USP6NL: variants seen among roughly 807,000 people sequenced by gnomAD.
USP6NL encodes USP6 N-terminal-like protein.
In USP6NL, 26 loss-of-function variants were observed where a neutral mutation model predicts 61.9. That is an observed-to-expected ratio of 0.42 (90% CI 0.31 to 0.58). The LOEUF (loss-of-function observed/expected upper bound fraction) is 0.58, where lower values mean the gene tolerates loss of function less well. Ranked by LOEUF, USP6NL falls within the 20% of genes least tolerant of loss-of-function variation. USP6NL has a pLI of 0.16. For synonymous variants in USP6NL, 432 were observed against 390.1 expected, an observed-to-expected ratio of 1.11 and a Z score of -1.27; for missense variants, 1,114 against 1,034.3, an observed-to-expected ratio of 1.08 and a Z score of -1.06.
chr10:11,579,746 C>A (rs1314293375), intron 2 of USP6NL, among the ~76,000 whole-genome samples: 1 of 152,176 alleles, frequency 6.6e-6, no homozygotes, highest in East Asian at 1.9e-4. Context: ...CTGCCCCAGA[C>A]CATGTCCCTC....
At chr10:11,469,454 A>G (rs1433690372) in intron 14 of USP6NL, among the ~76,000 whole-genome samples, 1 of 152,248 alleles carries the variant, frequency 6.6e-6, no homozygotes, top group Admixed American at 6.5e-5. Flanking sequence ...TCGGGGGGGA[A>G]GAAATCCAGT....
chr10:11,588,301 T>C (rs751594952), intron 2 of USP6NL, among the ~76,000 whole-genome samples: 8 of 152,206 alleles, frequency 5.3e-5, no homozygotes, highest in Non-Finnish European at 1.0e-4. Flanking sequence ...TTGGGGAAAC[T>C]ATCAACACTG....
chr10:11,554,966 A>ATTTTTTTTT (rs764342021), intron 2 of USP6NL, among the ~76,000 whole-genome samples: 7 of 111,850 alleles, frequency 6.3e-5, no homozygotes, highest in Non-Finnish European at 1.1e-4. Flanking sequence ...TGCCCGGCTA[A>ATTTTTTTTT]TTTTTTTTTT....
At chr10:11,576,043 A>C (rs1475472596) in intron 2 of USP6NL, among the ~76,000 whole-genome samples, 1 of 152,160 alleles carries the variant, frequency 6.6e-6, no homozygotes, top group Non-Finnish European at 1.5e-5. Flanking sequence ...TATATACTTC[A>C]AAATAGTTAC....
rs1022171500 is a variant in USP6NL at position 11,496,159 on chromosome 10, G to A, written c.385-2931C>T. Among the ~76,000 whole-genome samples the A allele has an allele frequency of 2.0e-5, 3 of 152,176 alleles. No homozygotes were observed. The highest frequency in any genetic ancestry group is 1.3e-4 in the Admixed American group (2 of 15,286). ...CTCAGCAAGGTCTGCGTTTTCCCTA[G>A]TCCAGAGGCCCTCTGTTTCATCCTC... On this transcript the variant is annotated intron_variant, in intron 7 of 14. Transcript: ENST00000609104. This position sits in a 1 kb window ranked among gnomAD's most constrained non-coding sequence, Gnocchi z 5.4.
chr10:11,574,342 GA>G lies in USP6NL; in HGVS notation c.4+23288del, dbSNP rs1837467480. Among the ~76,000 whole-genome samples the G allele has an allele frequency of 6.6e-6, 1 of 152,020 alleles. No homozygotes were observed. Among genetic ancestry groups the G allele is most frequent in the Non-Finnish European group, 1.5e-5 (1 of 68,014 alleles). ...CCTCTGACATCCCAGTCCATGAATA[GA>G]AGTCTAAATTCACATGCACACTAGA... On this transcript the variant is annotated intron_variant, in intron 2 of 14. Transcript: ENST00000609104. The surrounding 1 kb of genome is among the most constrained non-coding windows in gnomAD (Gnocchi z 4.3).
intron 2 of USP6NL, among the ~76,000 whole-genome samples, chr10:11,547,983 C>G (rs530794595): frequency 2.0e-5 from 3 of 152,216 alleles, no homozygotes; most frequent in African/African-American, 7.2e-5. Context: ...TGGAAGGAAA[C>G]TTAAAGCTCA....
At chr10:11,492,096 G>A (rs1185322963) in intron 8 of USP6NL, among the ~76,000 whole-genome samples, 2 of 152,210 alleles carry the variant, frequency 1.3e-5, no homozygotes, top group Non-Finnish European at 2.9e-5. Context: ...TAAAGCAGAA[G>A]TGTGATCATC....
At chr10:11,593,570 T>TA (rs1838226095) in intron 2 of USP6NL, among the ~76,000 whole-genome samples, 1 of 152,224 alleles carries the variant, frequency 6.6e-6, no homozygotes, top group Admixed American at 6.5e-5. Flanking sequence ...ATTTATGTAC[T>TA]AAAAATCAAA....
rs1190335388 is a variant in USP6NL, at chr10:11,462,267, C to CT, written c.*173dup. Reference sequence around the variant, plus strand: ...GTGATGATGCAATTGAAACGCTCATCTTAAGCAGCATCTACGTGGGGCTGA... The same window carrying CT: ...GTGATGATGCAATTGAAACGCTCATCTTTAAGCAGCATCTACGTGGGGCTGA... On this transcript the variant is annotated 3_prime_UTR_variant, in exon 15 of 15. Transcript: ENST00000609104. 3 of 771,282 alleles carry CT rather than the reference C, an allele frequency of 3.9e-6. No homozygotes were observed. The East Asian group carries it at 8.2e-5, about 21-fold the overall frequency. The allele number at this position is 771,282 out of a possible 1,614,324, so 47.8% of individuals were successfully genotyped here.
chr10:11,601,411 G>A (rs1311300653), intron 1 of USP6NL, among the ~76,000 whole-genome samples: 1 of 152,208 alleles, frequency 6.6e-6, no homozygotes, highest in Non-Finnish European at 1.5e-5. Context: ...GCCAGTGGTA[G>A]GATGGAGGTA....
chr10:11,463,217 T>C lies in USP6NL; in HGVS notation c.1711A>G (p.Arg571Gly), dbSNP rs370900205. ...TGCCGGGGGCTCTGGGAGTAAGCCC[T>C]TTCCAGCGCCTCCTCCACGGAAGCG... ...SGASVEEALE[R>G]AYSQSPRHAL... Residue 571 changes from arginine (R) to glycine (G), a missense_variant, in exon 15 of 15, where the codon AGG becomes GGG. By Grantham distance (125) the Arg-to-Gly change is moderately radical. Transcript: ENST00000609104. This position sits in a 1 kb window ranked among gnomAD's most constrained non-coding sequence, Gnocchi z 6.3. 3 of 1,613,472 alleles carry C rather than the reference T, an allele frequency of 1.9e-6. No homozygotes were observed. Among genetic ancestry groups the C allele is most frequent in the East Asian group, 4.5e-5 (2 of 44,874 alleles).
intron 2 of USP6NL, among the ~76,000 whole-genome samples, chr10:11,557,058 T>G (rs149886308): frequency 1.2e-3 from 185 of 152,370 alleles, no homozygotes; most frequent in African/African-American, 4.2e-3. Flanking sequence ...GCATTTTTAA[T>G]AGATTACTAA....
At chr10:11,535,801 G>GA (rs904494121) in intron 2 of USP6NL, among the ~76,000 whole-genome samples, 2 of 152,084 alleles carry the variant, frequency 1.3e-5, no homozygotes, top group Admixed American at 1.3e-4. Flanking sequence ...GATACATCAA[G>GA]AAAAAAGATT....
At position 11,518,464 on chromosome 10, in the gene USP6NL, G is replaced by T; in HGVS notation, c.195+71C>A. ...ATAATATGGCACTTAAAATCACAAA[G>T]GTGGTCAATTTTATTCTTCTAATAA... On this transcript the variant is annotated intron_variant, in intron 5 of 14. Transcript: ENST00000609104. This position sits in a 1 kb window ranked among gnomAD's most constrained non-coding sequence, Gnocchi z 5.3. 7.3e-7 allele frequency: 1 copy of T among 1,371,300 alleles called. No individual in the cohort carries two copies. Among genetic ancestry groups the T allele is most frequent in the Non-Finnish European group, 1.0e-6 (1 of 964,706 alleles). 84.9% of individuals were successfully genotyped at this position (1,371,300 alleles called of 1,614,324 possible).
Position 11,463,358 on chromosome 10 carries a change from C to A in USP6NL, c.1570G>T (p.Glu524Ter), listed in dbSNP as rs376379995. ...ALAVTVPGPA[E>*]VRVSNVRPKM... is the part of the protein sequence containing the mutation. ...GGCCGCACGTTTGACACCCGCACCTCGGCAGGACCTGGGACGGTAACTGCG... is the reference window on the plus strand; with the variant it reads ...GGCCGCACGTTTGACACCCGCACCTAGGCAGGACCTGGGACGGTAACTGCG... Residue 524 changes from glutamate (E) to a stop codon, truncating the protein, a stop_gained, in exon 15 of 15, where the codon GAG becomes TAG. Coordinates refer to ENST00000609104, the MANE Select transcript of USP6NL (RefSeq NM_014688.5). LOFTEE classifies it low-confidence loss of function (END_TRUNC). The surrounding 1 kb of genome is among the most constrained non-coding windows in gnomAD (Gnocchi z 6.3). 1.9e-6 allele frequency: 3 copies of A among 1,613,888 alleles called. No homozygotes were observed. The highest frequency in any genetic ancestry group is 2.7e-5 in the African/African-American group (2 of 74,942).
rs1460431431 is a variant in USP6NL at position 11,600,040 on chromosome 10, TTA to T, written c.-83-2325_-83-2324del. Among the ~76,000 whole-genome samples, 2 of 152,142 alleles carry T rather than the reference TTA, an allele frequency of 1.3e-5. No individual in the cohort carries two copies. Among genetic ancestry groups the T allele is most frequent in the Non-Finnish European group, 2.9e-5 (2 of 68,014 alleles). On this transcript the variant is annotated intron_variant, in intron 1 of 14. Transcript: ENST00000609104. The surrounding 1 kb of genome is among the most constrained non-coding windows in gnomAD (Gnocchi z 4.1). ...TTGAGCAGCACACAGGAGAAAATGT[TTA>T]GACTCCCTTTCTCCTCCCCTAAATG...
Position 11,510,490 on chromosome 10 carries a change from A to G in USP6NL, c.196-815T>C, listed in dbSNP as rs1453659580. On this transcript the variant is annotated intron_variant, in intron 5 of 14. Coordinates refer to ENST00000609104, the MANE Select transcript of USP6NL (RefSeq NM_014688.5). The surrounding 1 kb of genome is among the most constrained non-coding windows in gnomAD (Gnocchi z 4.8). ...AAAAGCATCAGGACACCAGGCTGCC[A>G]AAGTTGGGAGAAGTCTCTTGCGTGC... Among the ~76,000 whole-genome samples, 3 of 152,238 alleles carry G rather than the reference A, an allele frequency of 2.0e-5. 1 individual carries two copies. The East Asian group carries it at 5.8e-4, about 29-fold the overall frequency.
rs1406870923 is a variant in USP6NL, at chr10:11,585,221, G to T, written c.4+12410C>A. 6.6e-6 allele frequency among the ~76,000 whole-genome samples: 1 copy of T among 152,158 alleles called. No homozygotes were observed. Among genetic ancestry groups the T allele is most frequent in the South Asian group, 2.1e-4 (1 of 4,830 alleles). ...AAACAGAAAATAATAAGGGCTAGGAGGATATGGAGAAAATGGAATCCTTGA... is the reference window on the plus strand; with the variant it reads ...AAACAGAAAATAATAAGGGCTAGGATGATATGGAGAAAATGGAATCCTTGA... On this transcript the variant is annotated intron_variant, in intron 2 of 14. Coordinates refer to ENST00000609104, the MANE Select transcript of USP6NL (RefSeq NM_014688.5). The surrounding 1 kb of genome is among the most constrained non-coding windows in gnomAD (Gnocchi z 4.5).
Sources: allele counts gnomAD v4.1 joint callset (sites outside exome capture counted in the v4.1 genomes callset), GRCh38; gene constraint gnomAD v4.1.1; non-coding constraint Gnocchi (gnomAD v3.1); transcripts MANE v1.5; gene names NCBI Gene and HGNC (gene_info 2026-07-23, HGNC 2026-07-21).